Variants in AFG2A observed in about 807,000 individuals in gnomAD.
The protein encoded by AFG2A is ATPase family gene 2 protein homolog A.
At chr4:123,264,459 G>T in the AFG2A span, among the ~76,000 whole-genome samples, 1 of 152,218 alleles carries the variant, frequency 6.6e-6, no homozygotes, top group Non-Finnish European at 1.5e-5. Flanking sequence ...TAAAAGTAAG[G>T]TGGATTATAT....
chr4:123,239,134 A>G, the AFG2A span, among the ~76,000 whole-genome samples: 3 of 152,208 alleles, frequency 2.0e-5, no homozygotes, highest in African/African-American at 7.2e-5. Flanking sequence ...AGAAGTTTAG[A>G]GAAAAAAGAG....
chr4:123,206,733 A>G, the AFG2A span, among the ~76,000 whole-genome samples: 2 of 152,134 alleles, frequency 1.3e-5, no homozygotes, highest in South Asian at 4.1e-4. Flanking sequence ...CTTTCTTCAG[A>G]TGCTATTATA....
the AFG2A span, among the ~76,000 whole-genome samples, chr4:123,175,233 T>G: frequency 3.8e-3 from 581 of 152,212 alleles, 2 homozygotes; most frequent in Non-Finnish European, 6.3e-3. Flanking sequence ...AGTGACAGAT[T>G]GGAAGAAGAT....
At chr4:123,023,544 G>T in the AFG2A span, among the ~76,000 whole-genome samples, 1 of 152,124 alleles carries the variant, frequency 6.6e-6, no homozygotes, top group Non-Finnish European at 1.5e-5. Flanking sequence ...CTTTGCCATT[G>T]TCACTAGGAG....
the AFG2A span, among the ~76,000 whole-genome samples, chr4:123,073,041 C>G: frequency 6.6e-6 from 1 of 152,024 alleles, no homozygotes; most frequent in Non-Finnish European, 1.5e-5. Context: ...ATATTTGACA[C>G]TTTTTGTGTG....
the AFG2A span, among the ~76,000 whole-genome samples, chr4:123,037,329 G>A: frequency 6.6e-6 from 1 of 152,056 alleles, no homozygotes; most frequent in East Asian, 1.9e-4. Flanking sequence ...ATTTTCACAT[G>A]TGTTTATGAT....
chr4:123,018,832 T>C, the AFG2A span, among the ~76,000 whole-genome samples: 2 of 151,316 alleles, frequency 1.3e-5, no homozygotes, highest in Non-Finnish European at 2.9e-5. Flanking sequence ...TTAGTAGAGA[T>C]GGGGTTTCAC....
chr4:123,202,838 T>C, the AFG2A span, among the ~76,000 whole-genome samples: 1 of 152,186 alleles, frequency 6.6e-6, no homozygotes, highest in African/African-American at 2.4e-5. Context: ...CACTAGTCTG[T>C]GTCCATCTCC....
chr4:123,008,588 T>A, the AFG2A span, among the ~76,000 whole-genome samples: 1 of 152,256 alleles, frequency 6.6e-6, no homozygotes, highest in African/African-American at 2.4e-5. Context: ...TGTCCCGTGT[T>A]AAAATTGCTG....
At chr4:123,216,174 G>A in the AFG2A span, among the ~76,000 whole-genome samples, 1 of 151,998 alleles carries the variant, frequency 6.6e-6, no homozygotes, top group African/African-American at 2.4e-5. Context: ...CCTATGACAG[G>A]TTTTTCTTGA....
the AFG2A span, among the ~76,000 whole-genome samples, chr4:123,198,671 G>T: frequency 6.6e-6 from 1 of 152,194 alleles, no homozygotes; most frequent in East Asian, 1.9e-4. Context: ...ATTGAAGCTA[G>T]GACTTAATCC....
chr4:123,118,331 T>TTATATTATATATA, the AFG2A span, among the ~76,000 whole-genome samples: 12 of 11,956 alleles, frequency 1.0e-3, no homozygotes, highest in Admixed American at 1.2e-3. Context: ...TTATATATAA[T>TTATATTATATATA]ATATATATTA....
chr4:123,247,062 G>A, the AFG2A span, among the ~76,000 whole-genome samples: 1 of 151,968 alleles, frequency 6.6e-6, no homozygotes, highest in Non-Finnish European at 1.5e-5. Flanking sequence ...TACACCTACT[G>A]TACCAATAAT....
chr4:123,054,087 G>A, the AFG2A span, among the ~76,000 whole-genome samples: 1 of 152,206 alleles, frequency 6.6e-6, no homozygotes, highest in Non-Finnish European at 1.5e-5. Flanking sequence ...AGGCATTAGT[G>A]TGCATGATTT....
At chr4:122,944,179 G>C in the AFG2A span, among the ~76,000 whole-genome samples, 4 of 152,134 alleles carry the variant, frequency 2.6e-5, no homozygotes, top group Admixed American at 2.6e-4. Flanking sequence ...CTGAATGTTG[G>C]CCTGCCTCGC....
At chr4:123,171,979 T>C in the AFG2A span, among the ~76,000 whole-genome samples, 1 of 152,196 alleles carries the variant, frequency 6.6e-6, no homozygotes, top group Non-Finnish European at 1.5e-5. Context: ...GTTACACCTT[T>C]AGGAAAACAT....
At chr4:123,221,962 T>C in the AFG2A span, among the ~76,000 whole-genome samples, 2 of 152,116 alleles carry the variant, frequency 1.3e-5, no homozygotes, top group African/African-American at 4.8e-5. Flanking sequence ...TTGTAGCTCA[T>C]ACTATATTTC....
At chr4:123,008,213 A>G in the AFG2A span, among the ~76,000 whole-genome samples, 1 of 152,274 alleles carries the variant, frequency 6.6e-6, no homozygotes, top group Non-Finnish European at 1.5e-5. Flanking sequence ...GCTTACATGT[A>G]GAGATCACAC....
the AFG2A span, among the ~76,000 whole-genome samples, chr4:123,290,753 C>G: frequency 1.3e-5 from 2 of 152,274 alleles, no homozygotes; most frequent in Middle Eastern, 3.4e-3. Context: ...AAGAACAGTG[C>G]AGGAAAGACC....
Sources: gnomAD v4.1 joint callset for allele counts (sites outside exome capture counted in the v4.1 genomes callset) on GRCh38, gnomAD v4.1.1 for gene constraint, MANE v1.5 for transcripts, NCBI Gene and HGNC (gene_info 2026-07-23, HGNC 2026-07-21) for gene names.